SYNJ2BP: variants seen among roughly 807,000 people sequenced by gnomAD.
The protein encoded by SYNJ2BP is synaptojanin-2-binding protein.
In SYNJ2BP, 10 loss-of-function variants were observed where a neutral mutation model predicts 16.9. The ratio of observed to expected loss-of-function variants is 0.59; its 90% CI spans 0.36 to 1.00. SYNJ2BP has a LOEUF of 1.00. Ranked by LOEUF, SYNJ2BP falls within the 50% of genes least tolerant of loss-of-function variation. The pLI is 0.01. For synonymous variants in SYNJ2BP, 54 were observed against 68.4 expected (o/e 0.79, Z 1.04); for missense variants, 162 against 186.7 (o/e 0.87, Z 0.77).
intron 1 of SYNJ2BP, among the ~76,000 whole-genome samples, chr14:70,398,032 T>A (rs937192285): frequency 1.5e-4 from 23 of 152,176 alleles, no homozygotes; most frequent in Non-Finnish European, 2.6e-4. Flanking sequence ...CCAATGAGTG[T>A]TCAACTCTCA....
At chr14:70,405,724 A>G (rs1266780286) in intron 1 of SYNJ2BP, among the ~76,000 whole-genome samples, 2 of 152,222 alleles carry the variant, frequency 1.3e-5, no homozygotes, top group Non-Finnish European at 2.9e-5. Flanking sequence ...CATTAACAAC[A>G]TACTGATGCA....
intron 1 of SYNJ2BP, among the ~76,000 whole-genome samples, chr14:70,389,075 T>C (rs943237711): frequency 3.3e-5 from 5 of 152,106 alleles, no homozygotes; most frequent in East Asian, 3.8e-4. Flanking sequence ...CCCAAAGTTC[T>C]AGGATTACAG....
At chr14:70,378,264 T>C (rs1167680893) in intron 2 of SYNJ2BP, among the ~76,000 whole-genome samples, 1 of 151,758 alleles carries the variant, frequency 6.6e-6, no homozygotes. Context: ...CCCAAATTTG[T>C]ATCCCTACTT....
chr14:70,375,927 C>A (rs1163537133), intron 2 of SYNJ2BP, among the ~76,000 whole-genome samples, 156 bp from the exon 3 acceptor site: 2 of 152,198 alleles, frequency 1.3e-5, no homozygotes, highest in South Asian at 2.1e-4. Context: ...GAACTTAGAA[C>A]TTTTTTCATT....
intron 2 of SYNJ2BP, among the ~76,000 whole-genome samples, chr14:70,378,903 T>TA (rs1244203448): frequency 6.6e-6 from 1 of 152,224 alleles, no homozygotes; most frequent in Non-Finnish European, 1.5e-5. Flanking sequence ...CACCTTATCT[T>TA]ATGTAAAGTC....
At chr14:70,383,541 T>C (rs7148114) in intron 2 of SYNJ2BP, among the ~76,000 whole-genome samples, 132,945 of 152,226 alleles carry the variant, frequency 0.87, 58,116 homozygotes, top group East Asian at 0.93. Context: ...AGGGGTTTGT[T>C]CCATGTTAAA....
intron 2 of SYNJ2BP, among the ~76,000 whole-genome samples, chr14:70,385,046 G>A (rs879585279): frequency 2.0e-5 from 3 of 151,988 alleles, no homozygotes; most frequent in Non-Finnish European, 4.4e-5. Flanking sequence ...ACATATCTTT[G>A]TAATATTTAA....
chr14:70,394,734 G>C (rs543075818), intron 1 of SYNJ2BP, among the ~76,000 whole-genome samples: 1 of 152,222 alleles, frequency 6.6e-6, no homozygotes, highest in African/African-American at 2.4e-5. Flanking sequence ...CTGTTTAAAA[G>C]AGCAATGGCA....
chr14:70,390,406 C>T (rs1466660827), intron 1 of SYNJ2BP, among the ~76,000 whole-genome samples: 3 of 151,956 alleles, frequency 2.0e-5, no homozygotes, highest in African/African-American at 4.8e-5. Flanking sequence ...CGGTGGCTCA[C>T]GACTGTAATC....
At chr14:70,415,426 C>T (rs1888582432) in intron 1 of SYNJ2BP, among the ~76,000 whole-genome samples, 1 of 150,890 alleles carries the variant, frequency 6.6e-6, no homozygotes, top group South Asian at 2.1e-4. Context: ...CAGTGCACAC[C>T]CATGGTATCG....
Position 70,369,265 on chromosome 14 carries a change from T to A in SYNJ2BP, c.*3726A>T, listed in dbSNP as rs1039991102. ...CTACAGGAATGCACCACTAATTTGT[T>A]TGACTTTTAGTAAAGACAGGGTTTC... On this transcript the variant is annotated 3_prime_UTR_variant, in exon 4 of 4. Coordinates refer to ENST00000256366, the MANE Select transcript of SYNJ2BP (RefSeq NM_018373.3). 1.3e-5 allele frequency: 2 copies of A among 152,116 alleles called. No individual in the cohort carries two copies. The highest frequency in any genetic ancestry group is 2.9e-5 in the Non-Finnish European group (2 of 68,026). The allele number at this position is 152,116 out of a possible 1,614,324, so 9.4% of individuals were successfully genotyped here.
chr14:70,388,922 TTTTC>T (rs1214435674), intron 1 of SYNJ2BP, among the ~76,000 whole-genome samples: 1 of 151,248 alleles, frequency 6.6e-6, no homozygotes, highest in Non-Finnish European at 1.5e-5. Context: ...TCGTTCTTCT[TTTTC>T]TTTTTTTTTT....
In SYNJ2BP at chr14:70,413,516, G is replaced by A. The variant is rs141975205; in HGVS notation, c.64+3384C>T. 9.8e-3 allele frequency among the ~76,000 whole-genome samples: 1,493 copies of A among 152,314 alleles called. 27 individuals are homozygous for A. The highest frequency in any genetic ancestry group is 0.033 in the African/African-American group (1,390 of 41,554). On this transcript the variant is annotated intron_variant, in intron 1 of 3. Transcript: ENST00000256366. ...TACCCGGGCATGGTGGCAAATGCCT[G>A]TAATCCCAGCTACACAGGAGGCTGA...
At chr14:70,376,069 C>T (rs2275298) in intron 2 of SYNJ2BP, among the ~76,000 whole-genome samples, 132,689 of 152,258 alleles carry the variant, frequency 0.87, 57,885 homozygotes, top group East Asian at 0.93. Flanking sequence ...AATCTGTTAC[C>T]GTATTAGCAT....
chr14:70,409,020 T>G (rs1427562912), intron 1 of SYNJ2BP, among the ~76,000 whole-genome samples: 1 of 152,078 alleles, frequency 6.6e-6, no homozygotes, highest in East Asian at 1.9e-4. Context: ...CACTTCAGCC[T>G]CCCAAGTAGC....
intron 1 of SYNJ2BP, among the ~76,000 whole-genome samples, chr14:70,389,112 T>C (rs1229858348): frequency 1.3e-5 from 2 of 152,122 alleles, no homozygotes; most frequent in Admixed American, 6.5e-5. Context: ...CCAGCCTAGA[T>C]GTAAGTTCTT....
intron 2 of SYNJ2BP, among the ~76,000 whole-genome samples, chr14:70,386,286 C>G (rs41492150): frequency 0.09 from 13,668 of 152,220 alleles, 692 homozygotes; most frequent in East Asian, 0.18. Flanking sequence ...TAATCTGCTT[C>G]TAAACTTTTC....
chr14:70,368,217 T>G lies in SYNJ2BP; in HGVS notation c.*4774A>C, dbSNP rs893134971. ...ATAACTCATCTGATTGGATTTGATA[T>G]GAGATCATTCTCAGATTGTTCTGTG... On this transcript the variant is annotated 3_prime_UTR_variant, in exon 4 of 4. Transcript: ENST00000256366. 1 of 152,232 alleles carries G rather than the reference T, an allele frequency of 6.6e-6. No homozygotes were observed. The allele number at this position is 152,232 out of a possible 1,614,324, so 9.4% of individuals were successfully genotyped here.
intron 1 of SYNJ2BP, among the ~76,000 whole-genome samples, chr14:70,410,381 G>T (rs1888444962): frequency 6.6e-6 from 1 of 152,180 alleles, no homozygotes; most frequent in Admixed American, 6.5e-5. Flanking sequence ...CCAAGATCGT[G>T]CCACTGCACT....
Sources: allele counts gnomAD v4.1 joint callset (sites outside exome capture counted in the v4.1 genomes callset), GRCh38; gene constraint gnomAD v4.1.1; transcripts MANE v1.5; gene names NCBI Gene and HGNC (gene_info 2026-07-23, HGNC 2026-07-21).